The following IFI44L variants were observed in gnomAD, a reference collection of about 807,000 sequenced individuals.
IFI44L encodes the protein interferon induced protein 44 like.
A neutral mutation model predicts 39.3 loss-of-function variants in IFI44L; 40 were observed. That is an observed-to-expected ratio of 1.02 (90% confidence interval 0.79 to 1.33). The LOEUF (loss-of-function observed/expected upper bound fraction) is 1.33, where lower values mean the gene tolerates loss of function less well. Among genes scored for constraint, IFI44L ranks in the 40% most tolerant of loss-of-function variants. IFI44L has a pLI of 0.00. For missense variants in IFI44L, 623 were observed against 549.0 expected, an observed-to-expected ratio of 1.13 and a Z score of -1.35; for synonymous variants, 198 against 182.3, an observed-to-expected ratio of 1.09 and a Z score of -0.69.
At chr1:78,639,534 C>T (rs1653078875) in intron 6 of IFI44L, among the ~76,000 whole-genome samples, 1 of 152,090 alleles carries the variant, frequency 6.6e-6, no homozygotes, top group Admixed American at 6.6e-5. Flanking sequence ...AAAAGCCAAT[C>T]TGGGACATAT....
intron 4 of IFI44L, among the ~76,000 whole-genome samples, chr1:78,634,074 A>G (rs1652851416): frequency 6.6e-6 from 1 of 152,090 alleles, no homozygotes; most frequent in South Asian, 2.1e-4. Context: ...TATGGGATTT[A>G]TGGGACATCA....
At position 78,630,133 on chromosome 1, in the gene IFI44L, C is replaced by T. The variant is rs185619943; in HGVS notation, c.723+218C>T. ...GGAAGAAGCAGTTATATAAAGAATA[C>T]TTTTTAGTATTTGTATAAAAAACAA... On this transcript the variant is annotated intron_variant, in intron 4 of 8. Coordinates refer to ENST00000370751, the MANE Select transcript of IFI44L (RefSeq NM_006820.4). 6.1e-4 allele frequency: 284 copies of T among 465,556 alleles called. 1 individual carries two copies. Among genetic ancestry groups the T allele is most frequent in the African/African-American group, 5.3e-3 (265 of 49,572 alleles). The allele number at this position is 465,556 out of a possible 1,614,324, so 28.8% of individuals were successfully genotyped here.
At chr1:78,636,577 T>C (rs1652958754) in intron 5 of IFI44L, 1 of 152,544 alleles carries the variant, frequency 6.6e-6, no homozygotes, top group African/African-American at 2.4e-5. Flanking sequence ...TTTTCTTCTA[T>C]AAAATCAAAA....
rs1367397714 is a variant in IFI44L at position 78,643,160 on chromosome 1, T to TTTTTTTTTTTTTTTTTTTTTG, written c.*1351_*1352insTTTTTTTTTTTTTTTTTTTTG. On this transcript the variant is annotated 3_prime_UTR_variant, in exon 9 of 9. Transcript: ENST00000370751. ...AGATATTAAGAAAGCAAGAGTTTCT[T>TTTTTTTTTTTTTTTTTTTTTG]ATGTCCAGTTATGGAATATTTCCTA... 2.0e-5 allele frequency: 3 copies of TTTTTTTTTTTTTTTTTTTTTG among 151,870 alleles called. No homozygotes were observed. The highest frequency in any genetic ancestry group is 2.1e-4 in the South Asian group (1 of 4,818). 9.4% of individuals were successfully genotyped at this position (151,870 alleles called of 1,614,324 possible).
rs1647011237 is a variant in IFI44L at position 78,643,517 on chromosome 1, AT to A, written c.*1713del. On this transcript the variant is annotated 3_prime_UTR_variant, in exon 9 of 9. Transcript: ENST00000370751. Reference sequence around the variant, plus strand: ...CCTCCCTGCTGAGTCTAAGTTTAGGATTTTTAAGAGAAAGGCAGGTAAGGTG... The same window carrying A: ...CCTCCCTGCTGAGTCTAAGTTTAGGATTTTAAGAGAAAGGCAGGTAAGGTG... 6.6e-6 allele frequency: 1 copy of A among 152,066 alleles called. No homozygotes were observed. The highest frequency in any genetic ancestry group is 2.4e-5 in the African/African-American group (1 of 41,420). 9.4% of individuals were successfully genotyped at this position (152,066 alleles called of 1,614,324 possible). A position where few individuals can be genotyped will look rare whatever the true frequency, so the allele number is the denominator to read the frequency against.
Position 78,641,895 on chromosome 1 carries a change from G to T in IFI44L, c.*86G>T, listed in dbSNP as rs1646991146. 6.7e-7 allele frequency: 1 copy of T among 1,483,578 alleles called. No homozygotes were observed. The allele number at this position is 1,483,578 out of a possible 1,614,324, so 91.9% of individuals were successfully genotyped here. A position where few individuals can be genotyped will look rare whatever the true frequency, so the allele number is the denominator to read the frequency against. ...CAATCTCTATTGACAGCCTGCTTCAGATTTTGCTTTTGTTCGTTTTGCCTT... is the reference window on the plus strand; with the variant it reads ...CAATCTCTATTGACAGCCTGCTTCATATTTTGCTTTTGTTCGTTTTGCCTT... On this transcript the variant is annotated 3_prime_UTR_variant, in exon 9 of 9. Coordinates refer to ENST00000370751, the MANE Select transcript of IFI44L (RefSeq NM_006820.4).
In IFI44L at chr1:78,641,456, C is replaced by T; in HGVS notation, c.1171C>T (p.Leu391=). Residue 391 remains leucine (L), a synonymous_variant, in exon 8 of 9, where the codon CTA becomes TTA. Transcript: ENST00000370751. The part of the protein sequence containing the change: ...QSRVMNVHKM[L]GIPISNILMV... ...ACAGGTCATGAATGTCCATAAAATG[C>T]TAGGCATTCCTATTTCCAATATTTT... 6.2e-7 allele frequency: 1 copy of T among 1,613,374 alleles called. No individual in the cohort carries two copies. Among genetic ancestry groups the T allele is most frequent in the Non-Finnish European group, 8.5e-7 (1 of 1,179,520 alleles).
At chr1:78,623,430 T>C (rs1377776696) in intron 1 of IFI44L, among the ~76,000 whole-genome samples, 47 of 139,846 alleles carry the variant, frequency 3.4e-4, no homozygotes, top group African/African-American at 1.2e-3. Context: ...TTTTTTTAAA[T>C]CATGGAAGGA....
intron 6 of IFI44L, among the ~76,000 whole-genome samples, chr1:78,637,948 T>A (rs570326532): frequency 2.0e-5 from 3 of 152,174 alleles, no homozygotes; most frequent in Non-Finnish European, 4.4e-5. Flanking sequence ...CTGGGGTACA[T>A]CTCCAGAAAT....
At chr1:78,636,209 A>G (rs181468917) in intron 5 of IFI44L, among the ~76,000 whole-genome samples, 1 of 152,114 alleles carries the variant, frequency 6.6e-6, no homozygotes, top group Admixed American at 6.6e-5. Flanking sequence ...AAAACCATCT[A>G]TTATAAACCA....
chr1:78,637,441 G>A (rs1652991936), intron 6 of IFI44L, among the ~76,000 whole-genome samples: 1 of 152,002 alleles, frequency 6.6e-6, no homozygotes, highest in Non-Finnish European at 1.5e-5. Context: ...TTTTCCTGAG[G>A]CTTTAGATAG....
chr1:78,621,290 G>A (rs1652264902), intron 1 of IFI44L, among the ~76,000 whole-genome samples: 1 of 152,092 alleles, frequency 6.6e-6, no homozygotes, highest in Non-Finnish European at 1.5e-5. Context: ...GTTTTCTTAT[G>A]AGATGGAGTC....
chr1:78,643,224 T>A lies in IFI44L; in HGVS notation c.*1415T>A, dbSNP rs1647008556. The A allele has an allele frequency of 6.6e-6, 1 of 151,906 alleles. No homozygotes were observed. Among genetic ancestry groups the A allele is most frequent in the East Asian group, 1.9e-4 (1 of 5,170 alleles). The allele number at this position is 151,906 out of a possible 1,614,324, so 9.4% of individuals were successfully genotyped here. Reference sequence around the variant, plus strand: ...GGTGAAGTTGTGCTCAAGTGAATGTTCAGGAGACACAATTCAGTGGAAGAA... The same window carrying A: ...GGTGAAGTTGTGCTCAAGTGAATGTACAGGAGACACAATTCAGTGGAAGAA... On this transcript the variant is annotated 3_prime_UTR_variant, in exon 9 of 9. Transcript: ENST00000370751.
At chr1:78,632,702 T>C (rs1652798796) in intron 4 of IFI44L, among the ~76,000 whole-genome samples, 1 of 152,180 alleles carries the variant, frequency 6.6e-6, no homozygotes, top group South Asian at 2.1e-4. Context: ...ATATTATACA[T>C]ACATGTGAGA....
At chr1:78,641,375 A>T in intron 7 of IFI44L, 60 bp from the exon 8 acceptor site, 1 of 1,480,786 alleles carries the variant, frequency 6.8e-7, no homozygotes, top group South Asian at 1.2e-5. Flanking sequence ...TGTATTTAAA[A>T]TTGGTCAAAT....
intron 7 of IFI44L, 109 bp from the exon 8 acceptor site, chr1:78,641,326 A>G (rs1646981634): frequency 9.7e-7 from 1 of 1,026,796 alleles, no homozygotes; most frequent in Non-Finnish European, 1.4e-6. Context: ...TCCGAAGATA[A>G]CTTATTAAGC....
chr1:78,640,187 A>G (rs1646966061), intron 6 of IFI44L, among the ~76,000 whole-genome samples: 1 of 152,160 alleles, frequency 6.6e-6, no homozygotes, highest in Non-Finnish European at 1.5e-5. Context: ...GGCGTGCTGG[A>G]TGGCAATGCT....
At chr1:78,637,252 A>G (rs1652984938) in intron 6 of IFI44L, 49 bp downstream of exon 6, 8 of 1,391,786 alleles carry the variant, frequency 5.7e-6, no homozygotes, top group Non-Finnish European at 7.9e-6. Context: ...ATAATTATAG[A>G]TTTGTAGGAA....
At chr1:78,641,370 T>C in intron 7 of IFI44L, 65 bp from the exon 8 acceptor site, 1 of 1,462,376 alleles carries the variant, frequency 6.8e-7, no homozygotes, top group Non-Finnish European at 9.4e-7. Context: ...TAAATTGTAT[T>C]TAAAATTGGT....
Sources: gnomAD v4.1 joint callset for allele counts (sites outside exome capture counted in the v4.1 genomes callset) on GRCh38, gnomAD v4.1.1 for gene constraint, MANE v1.5 for transcripts, NCBI Gene and HGNC (gene_info 2026-07-23, HGNC 2026-07-21) for gene names.